SDK1: variants seen among roughly 807,000 people sequenced by gnomAD.
The protein encoded by SDK1 is protein sidekick-1.
SDK1 carries 157 observed loss-of-function variants against 245.5 expected under a neutral mutation model. The ratio of observed to expected loss-of-function variants is 0.64; its 90% CI spans 0.56 to 0.73. The LOEUF (loss-of-function observed/expected upper bound fraction) is 0.73. Ranked by LOEUF, SDK1 falls within the 30% of genes least tolerant of loss-of-function variation. SDK1 has a pLI of 0.00. For synonymous variants in SDK1, 1,647 were observed against 1,278.5 expected (o/e 1.29, Z -6.15); for missense variants, 3,583 against 3,002.3 (o/e 1.19, Z -4.52).
chr7:3,955,263 C>T (rs1057423496), intron 7 of SDK1, among the ~76,000 whole-genome samples: 1 of 152,206 alleles, frequency 6.6e-6, no homozygotes, highest in African/African-American at 2.4e-5. Flanking sequence ...GGGGTCCCCT[C>T]AGGTTCCAGA....
At chr7:4,221,456 A>G in intron 40 of SDK1, 92 bp downstream of exon 40, 1 of 1,452,884 alleles carries the variant, frequency 6.9e-7, no homozygotes, top group Non-Finnish European at 9.2e-7. Flanking sequence ...TTTCTCTTTC[A>G]GCATTTTCCC....
chr7:3,737,405 G>T (rs964167224), intron 4 of SDK1, among the ~76,000 whole-genome samples: 1 of 152,220 alleles, frequency 6.6e-6, no homozygotes, highest in Non-Finnish European at 1.5e-5. Context: ...AGCTGGTCAG[G>T]GTCTCTGGCT....
At chr7:3,345,862 G>A (rs1447396899) in intron 1 of SDK1, among the ~76,000 whole-genome samples, 1 of 152,168 alleles carries the variant, frequency 6.6e-6, no homozygotes, top group Non-Finnish European at 1.5e-5. Context: ...CCATCTAGAT[G>A]ACACAGCTTG....
chr7:3,664,205 A>G (rs1783454373), intron 4 of SDK1, among the ~76,000 whole-genome samples: 2 of 152,152 alleles, frequency 1.3e-5, no homozygotes, highest in African/African-American at 4.8e-5. Flanking sequence ...AAGGGAGTGT[A>G]AAGCATGAGG....
In SDK1 at chr7:4,237,790, G is replaced by C. The variant is rs761821477; in HGVS notation, c.6130+6G>C. ...GTATAAGAACTGCAGCACAGGTGCA[G>C]GTCCAGCCCCTTCCTCGCGTGTCCC... is the stretch of plus-strand genomic sequence containing the variant. On this transcript the variant is annotated splice_donor_region_variant and intron_variant, in intron 42 of 44. Transcript: ENST00000404826. 1 of 1,613,966 alleles carries C rather than the reference G, an allele frequency of 6.2e-7. No individual in the cohort carries two copies. Among genetic ancestry groups the C allele is most frequent in the Non-Finnish European group, 8.5e-7 (1 of 1,180,000 alleles).
At chr7:3,818,594 G>T (rs1779567838) in intron 4 of SDK1, among the ~76,000 whole-genome samples, 2 of 152,156 alleles carry the variant, frequency 1.3e-5, no homozygotes, top group South Asian at 2.1e-4. Context: ...GTCATCGCAT[G>T]TGCTGTTGTG....
intron 5 of SDK1, among the ~76,000 whole-genome samples, chr7:3,934,522 A>C (rs78714789): frequency 6.6e-6 from 1 of 152,254 alleles, no homozygotes; most frequent in Non-Finnish European, 1.5e-5. Context: ...AATTCTTGAC[A>C]TGAGGAAGTT....
chr7:3,922,845 T>A (rs576831922), intron 5 of SDK1, among the ~76,000 whole-genome samples: 4 of 152,356 alleles, frequency 2.6e-5, no homozygotes, highest in Admixed American at 2.6e-4. Flanking sequence ...TTAATGTGTT[T>A]CTTTCACTTA....
chr7:3,457,914 A>C (rs1354233729), intron 1 of SDK1, among the ~76,000 whole-genome samples: 3 of 152,132 alleles, frequency 2.0e-5, no homozygotes, highest in African/African-American at 7.2e-5. Context: ...AAATGTTTAG[A>C]CACTTTTGAT....
At chr7:3,640,703 A>G (rs1031563361) in intron 3 of SDK1, among the ~76,000 whole-genome samples, 3 of 150,116 alleles carry the variant, frequency 2.0e-5, no homozygotes, top group African/African-American at 4.9e-5. Context: ...TTCTTTTTTG[A>G]GACGGAGTCT....
intron 1 of SDK1, among the ~76,000 whole-genome samples, chr7:3,457,016 G>A (rs1209401199): frequency 6.6e-6 from 1 of 152,184 alleles, no homozygotes; most frequent in Non-Finnish European, 1.5e-5. Flanking sequence ...TGCACAAGGT[G>A]CTTCCGCAGT....
chr7:3,974,753 G>T, intron 13 of SDK1: 1 of 522,668 alleles, frequency 1.9e-6, no homozygotes, highest in South Asian at 2.8e-5. Flanking sequence ...TTTCGTTTTT[G>T]GTGTAGATGG....
chr7:4,147,642 G>A (rs973611534), intron 29 of SDK1, among the ~76,000 whole-genome samples: 1 of 152,086 alleles, frequency 6.6e-6, no homozygotes, highest in Admixed American at 6.5e-5. Flanking sequence ...ATTAGCTGGA[G>A]GGACGGAAGC....
intron 1 of SDK1, among the ~76,000 whole-genome samples, chr7:3,389,094 A>G (rs1030884040): frequency 6.6e-6 from 1 of 152,172 alleles, no homozygotes; most frequent in Non-Finnish European, 1.5e-5. Context: ...ACCACAAGGA[A>G]TGAGTGGTGG....
At chr7:4,089,082 C>A (rs968706021) in intron 22 of SDK1, among the ~76,000 whole-genome samples, 1 of 140,438 alleles carries the variant, frequency 7.1e-6, no homozygotes, top group Non-Finnish European at 1.5e-5. Flanking sequence ...GACCCTCCCT[C>A]AGGCGGAGGT....
At chr7:4,193,372 T>TTATTTATTTATATATATATATATATATA (rs1554257058) in intron 35 of SDK1, among the ~76,000 whole-genome samples, 1 of 103,086 alleles carries the variant, frequency 9.7e-6, no homozygotes, top group African/African-American at 3.9e-5. Context: ...ATTAAAATAT[T>TTATTTATTTATATATATATATATATATA]TATATATATA....
Position 3,747,515 on chromosome 7 carries a change from G to A in SDK1, c.714-73935G>A, listed in dbSNP as rs188195279. Among the ~76,000 whole-genome samples, 46 of 152,262 alleles carry A rather than the reference G, an allele frequency of 3.0e-4. 1 individual carries two copies. The highest frequency in any genetic ancestry group is 1.0e-3 in the African/African-American group (43 of 41,542). On this transcript the variant is annotated intron_variant, in intron 4 of 44. Transcript: ENST00000404826. ...ATAGTCATTCTTTTATTTAGCAAAT[G>A]CTGTCGTGGGCCTTGTCTATGCAGG...
chr7:3,955,455 G>A (rs1781184478), intron 7 of SDK1, among the ~76,000 whole-genome samples: 1 of 152,160 alleles, frequency 6.6e-6, no homozygotes, highest in African/African-American at 2.4e-5. Context: ...TTTAAGGTGG[G>A]ATACCTAATC....
At chr7:3,949,250 A>G (rs1405288523) in intron 5 of SDK1, among the ~76,000 whole-genome samples, 2 of 152,194 alleles carry the variant, frequency 1.3e-5, no homozygotes, top group Non-Finnish European at 2.9e-5. Context: ...ACATTATTCA[A>G]TCAACATATA....
Sources: allele counts gnomAD v4.1 joint callset (sites outside exome capture counted in the v4.1 genomes callset), GRCh38; gene constraint gnomAD v4.1.1; transcripts MANE v1.5; gene names NCBI Gene and HGNC (gene_info 2026-07-23, HGNC 2026-07-21).